SMARCE1: variants seen among roughly 807,000 people sequenced by gnomAD.
SMARCE1 encodes SWI/SNF related BAF chromatin remodeling complex subunit E1.
In SMARCE1, 13 loss-of-function variants were observed where a neutral mutation model predicts 54.9. The observed-to-expected ratio is 0.24, with a 90% CI of 0.15 to 0.38. SMARCE1 has a LOEUF of 0.38. Ranked by LOEUF, SMARCE1 falls within the 10% of genes least tolerant of loss-of-function variation. The probability of loss-of-function intolerance (pLI) is 1.00; values close to 1 mark genes in which losing one functional copy is unlikely to be tolerated. For synonymous variants in SMARCE1, 151 were observed against 175.3 expected (o/e 0.86, Z 1.10); for missense variants, 295 against 523.8 (o/e 0.56, Z 4.26).
Position 40,642,638 on chromosome 17 carries a change from G to C in SMARCE1, c.52-79C>G. On this transcript the variant is annotated intron_variant, in intron 3 of 10. Transcript: ENST00000348513. The surrounding 1 kb of genome is among the most constrained non-coding windows in gnomAD (Gnocchi z 4.6). ...AAAACACAGAAATGAAAAATGATCT[G>C]CATATGGCATGCAAAAGCAACCTGA... 1 of 861,776 alleles carries C rather than the reference G, an allele frequency of 1.2e-6. No homozygotes were observed. Among genetic ancestry groups the C allele is most frequent in the Non-Finnish European group, 1.9e-6 (1 of 533,532 alleles). The allele number at this position is 861,776 out of a possible 1,614,324, so 53.4% of individuals were successfully genotyped here.
chr17:40,632,285 A>G lies in SMARCE1; in HGVS notation c.624T>C (p.Ser208=), dbSNP rs1567845801. Residue 208 remains serine, a synonymous_variant, in exon 8 of 11, where the codon AGT becomes AGC. Transcript: ENST00000348513. The part of the protein sequence containing the change: ...RNHRLISEIL[S]ESVVPDVRSV... ...ACCGAACGTCTGGCACCACACTCTC[A>G]CTAAGAATTTCACTGATGAGGCGGT... The G allele has an allele frequency of 6.2e-7, 1 of 1,614,006 alleles. No homozygotes were observed. Among genetic ancestry groups the G allele is most frequent in the Non-Finnish European group, 8.5e-7 (1 of 1,179,890 alleles).
At chr17:40,645,662 TATA>T in intron 2 of SMARCE1, 43 bp from the exon 3 acceptor site, 7 of 1,395,632 alleles carry the variant, frequency 5.0e-6, no homozygotes, top group South Asian at 1.4e-5. Flanking sequence ...ACAACTGAGA[TATA>T]ATACTATGCA....
intron 7 of SMARCE1, chr17:40,633,742 T>TGAGTA (rs2037119173): frequency 6.6e-6 from 1 of 152,260 alleles, no homozygotes; most frequent in Non-Finnish European, 1.5e-5. Context: ...TTGAGTAATT[T>TGAGTA]CTTTAGGAAA....
At chr17:40,643,229 A>C (rs2037216761) in intron 3 of SMARCE1, 1 of 152,186 alleles carries the variant, frequency 6.6e-6, no homozygotes, top group Non-Finnish European at 1.5e-5. Flanking sequence ...CTGGGGTACT[A>C]TCTGATCTTT....
At chr17:40,640,860 A>G (rs1305496476) in intron 4 of SMARCE1, 1 of 152,244 alleles carries the variant, frequency 6.6e-6, no homozygotes, top group Non-Finnish European at 1.5e-5. Context: ...ACATTCGCCA[A>G]GAAGGAATGG....
intron 6 of SMARCE1, 106 bp from the exon 7 acceptor site, chr17:40,636,208 T>C: frequency 6.6e-6 from 8 of 1,213,066 alleles, no homozygotes; most frequent in Non-Finnish European, 7.0e-6. Context: ...AAACAGGGTG[T>C]TGGGATAATT....
At position 40,628,699 on chromosome 17, in the gene SMARCE1, A is replaced by C. The variant is rs573316871; in HGVS notation, c.*86T>G. On this transcript the variant is annotated 3_prime_UTR_variant, in exon 11 of 11. Coordinates refer to ENST00000348513, the MANE Select transcript of SMARCE1 (RefSeq NM_003079.5). Reference sequence around the variant, plus strand: ...TGTGATATGGACAAGAAAAAAAATTAATACACAAACCACGTAACACCATTA... The same window carrying C: ...TGTGATATGGACAAGAAAAAAAATTCATACACAAACCACGTAACACCATTA... 7.2e-5 allele frequency: 80 copies of C among 1,115,050 alleles called. No homozygotes were observed. The African/African-American group carries it at 1.1e-3, about 15-fold the overall frequency. 69.1% of individuals were successfully genotyped at this position (1,115,050 alleles called of 1,614,324 possible).
chr17:40,637,343 C>G (rs2037156626), intron 5 of SMARCE1, 149 bp downstream of exon 5: 1 of 679,476 alleles, frequency 1.5e-6, no homozygotes, highest in Non-Finnish European at 2.7e-6. Flanking sequence ...ATTTTGAAAT[C>G]AGAACTAATT....
chr17:40,636,060 CG>C lies in SMARCE1; in HGVS notation c.411del (p.Ala138ArgfsTer6). 1.2e-6 allele frequency: 2 copies of C among 1,612,662 alleles called. No individual in the cohort carries two copies. Among genetic ancestry groups the C allele is most frequent in the South Asian group, 1.1e-5 (1 of 90,638 alleles). On this transcript the variant is annotated frameshift_variant, in exon 7 of 11. Coordinates refer to ENST00000348513, the MANE Select transcript of SMARCE1 (RefSeq NM_003079.5). LOFTEE classifies it high-confidence loss of function. ...TTTGCATTTATGTAAGCAAGGTACG[CG>C]GGGGAATTATGATAGGCCTTCATAG... ...NESMKAYHNS[P>X]AYLAYINAKS...
chr17:40,638,770 A>C (rs1190052006), intron 4 of SMARCE1, among the ~76,000 whole-genome samples: 1 of 152,192 alleles, frequency 6.6e-6, no homozygotes, highest in Non-Finnish European at 1.5e-5. Context: ...ATCGAAAGAC[A>C]GGATTGGCAA....
In SMARCE1 at chr17:40,628,980, A is replaced by C; in HGVS notation, c.1041T>G (p.Leu347=). Residue 347 remains leucine, a synonymous_variant, in exon 11 of 11, where the codon CTT becomes CTG. Coordinates refer to ENST00000348513, the MANE Select transcript of SMARCE1 (RefSeq NM_003079.5). ...TCTGTTGGCTCTCTGTTGTTTCTTC[A>C]AGGTGTGTCTCCTCTGTAATCACAC... ...NIPMETEETH[L]EETTESQQNG... is the part of the protein sequence containing the mutation. The C allele has an allele frequency of 6.2e-7, 1 of 1,613,582 alleles. No individual in the cohort carries two copies. Among genetic ancestry groups the C allele is most frequent in the Non-Finnish European group, 8.5e-7 (1 of 1,179,646 alleles).
At chr17:40,639,784 T>C (rs2037179845) in intron 4 of SMARCE1, among the ~76,000 whole-genome samples, 2 of 152,276 alleles carry the variant, frequency 1.3e-5, no homozygotes, top group South Asian at 4.1e-4. Flanking sequence ...AACATTTCTT[T>C]AAAAAAAGCT....
At chr17:40,629,452 G>C (rs1285102266) in intron 10 of SMARCE1, 5 of 864,654 alleles carry the variant, frequency 5.8e-6, no homozygotes, top group Non-Finnish European at 6.2e-6. Context: ...ATTTCTGTTG[G>C]ACAGTGAATG....
rs965308367 is a variant in SMARCE1 at position 40,627,505 on chromosome 17, A to G, written c.*1280T>C. On this transcript the variant is annotated 3_prime_UTR_variant, in exon 11 of 11. Coordinates refer to ENST00000348513, the MANE Select transcript of SMARCE1 (RefSeq NM_003079.5). ...CCAACTTCCATATGTGACAATGACT[A>G]TAATGTAAGAAAACTGATTTTCACA... 4 of 152,278 alleles carry G rather than the reference A, an allele frequency of 2.6e-5. No individual in the cohort carries two copies. Among genetic ancestry groups the G allele is most frequent in the African/African-American group, 7.2e-5 (3 of 41,458 alleles). 9.4% of individuals were successfully genotyped at this position (152,278 alleles called of 1,614,324 possible). A position where few individuals can be genotyped will look rare whatever the true frequency, so the allele number is the denominator to read the frequency against.
rs1184763329 is a variant in SMARCE1, at chr17:40,630,992, C to A, written c.817-68G>T. 7.2e-6 allele frequency: 10 copies of A among 1,382,914 alleles called. No homozygotes were observed. In the African/African-American group the frequency reaches 1.0e-4, roughly 14 times the overall value. The allele number at this position is 1,382,914 out of a possible 1,614,324, so 85.7% of individuals were successfully genotyped here. On this transcript the variant is annotated intron_variant, in intron 9 of 10. Transcript: ENST00000348513. Reference sequence around the variant, plus strand: ...AATTTTTGAGCCAGATATATTCTTTCAAAAGTTGGTTTTCTTGCCTATAAA... The same window carrying A: ...AATTTTTGAGCCAGATATATTCTTTAAAAAGTTGGTTTTCTTGCCTATAAA...
At chr17:40,636,291 C>T in intron 6 of SMARCE1, 104 bp downstream of exon 6, 1 of 1,286,514 alleles carries the variant, frequency 7.8e-7, no homozygotes, top group Non-Finnish European at 1.1e-6. Context: ...AGCCTCAGTA[C>T]TGCATCAGTG....
chr17:40,647,113 C>G (rs1414095062), intron 1 of SMARCE1: 1 of 152,180 alleles, frequency 6.6e-6, no homozygotes, highest in African/African-American at 2.4e-5. Context: ...TAAGAGTGGG[C>G]TTGTACATTT....
In SMARCE1 at chr17:40,642,517, T is replaced by C. The variant is rs1162139233; in HGVS notation, c.94A>G (p.Ser32Gly). ...TPGFVGYNPY[S>G]HLAYNNYRLG... ...CTGTAGTTGTTGTAGGCGAGATGAC[T>C]GTATGGATTGTATCCCACAAACCCT... is the stretch of plus-strand genomic sequence containing the variant. Residue 32 changes from serine to glycine, a missense_variant, in exon 4 of 11, where the codon AGT (serine) becomes GGT (glycine). This residue lies in a region of SMARCE1 where 30 missense variants were observed against 91.3 expected (regional missense o/e 0.33). Transcript: ENST00000348513. This position sits in a 1 kb window ranked among gnomAD's most constrained non-coding sequence, Gnocchi z 4.6. 1.2e-6 allele frequency: 2 copies of C among 1,612,170 alleles called. No homozygotes were observed. Among genetic ancestry groups the C allele is most frequent in the South Asian group, 1.1e-5 (1 of 90,984 alleles).
chr17:40,640,104 G>T (rs2037182922), intron 4 of SMARCE1: 2 of 152,292 alleles, frequency 1.3e-5, no homozygotes, highest in African/African-American at 4.8e-5. Flanking sequence ...ATGGTTTTGT[G>T]AAATTTATCT....
Sources: gnomAD v4.1 joint callset for allele counts (sites outside exome capture counted in the v4.1 genomes callset) on GRCh38, gnomAD v4.1.1 for gene constraint, gnomAD v4.1.1 regional missense constraint, Gnocchi (gnomAD v3.1) non-coding constraint, MANE v1.5 for transcripts, NCBI Gene and HGNC (gene_info 2026-07-23, HGNC 2026-07-21) for gene names.